Variants in COL22A1 observed in about 807,000 individuals in gnomAD.
COL22A1 encodes the protein collagen type XXII alpha 1 chain.
COL22A1 carries 221 observed loss-of-function variants against 248.9 expected under a neutral mutation model. The ratio of observed to expected loss-of-function variants is 0.89; its 90% CI spans 0.80 to 0.99. COL22A1 has a LOEUF of 0.99. Ranked by LOEUF, COL22A1 falls within the 50% of genes least tolerant of loss-of-function variation. COL22A1 has a pLI of 0.00. For synonymous variants in COL22A1, 891 were observed against 793.4 expected, an observed-to-expected ratio of 1.12 and a Z score of -2.07; for missense variants, 2,240 against 2,179.0, an observed-to-expected ratio of 1.03 and a Z score of -0.56.
At chr8:138,641,733 G>T (rs559445282) in intron 47 of COL22A1, among the ~76,000 whole-genome samples, 9 of 152,246 alleles carry the variant, frequency 5.9e-5, no homozygotes, top group Non-Finnish European at 1.2e-4. Flanking sequence ...TGCAAACAAA[G>T]GAACCAAACC....
chr8:138,597,116 C>G, intron 61 of COL22A1, 146 bp from the exon 62 acceptor site: 1 of 640,258 alleles, frequency 1.6e-6, no homozygotes, highest in Non-Finnish European at 2.8e-6. Context: ...TTTTCCACAT[C>G]TCTAATCCCT....
chr8:138,627,744 C>T (rs985001691), intron 50 of COL22A1, among the ~76,000 whole-genome samples: 1 of 152,136 alleles, frequency 6.6e-6, no homozygotes, highest in African/African-American at 2.4e-5. Context: ...TGCAGTACAC[C>T]CTTGCTTTAT....
rs188176105 is a variant in COL22A1 at position 138,706,819 on chromosome 8, A to G, written c.2518-3472T>C. Among the ~76,000 whole-genome samples, 55 of 152,312 alleles carry G rather than the reference A, an allele frequency of 3.6e-4. 2 individuals are homozygous for G. Among genetic ancestry groups the G allele is most frequent in the African/African-American group, 1.3e-3 (54 of 41,572 alleles). ...GAACTGAAGGAGATAGAGACACAAA[A>G]AACCCTTCAAAAAACCAATGAATCC... On this transcript the variant is annotated intron_variant, in intron 30 of 64. Coordinates refer to ENST00000303045, the MANE Select transcript of COL22A1 (RefSeq NM_152888.3).
chr8:138,802,800 T>A, intron 11 of COL22A1, 72 bp downstream of exon 11: 1 of 1,185,528 alleles, frequency 8.4e-7, no homozygotes, highest in Non-Finnish European at 1.3e-6. Context: ...CTGATTTGCA[T>A]GATCGGAGGG....
intron 48 of COL22A1, 117 bp from the exon 49 acceptor site, chr8:138,635,180 T>C: frequency 1.3e-6 from 1 of 784,350 alleles, no homozygotes; most frequent in Non-Finnish European, 2.0e-6. Flanking sequence ...ACTAACAATT[T>C]TGCTTAAAGA....
intron 56 of COL22A1, among the ~76,000 whole-genome samples, chr8:138,612,007 C>T (rs938823590): frequency 6.6e-6 from 1 of 152,194 alleles, no homozygotes; most frequent in Admixed American, 6.5e-5. Context: ...TCAAAAAACA[C>T]ACAACATACA....
At chr8:138,686,411 G>A (rs538165270) in intron 37 of COL22A1, among the ~76,000 whole-genome samples, 1 of 152,192 alleles carries the variant, frequency 6.6e-6, no homozygotes, top group African/African-American at 2.4e-5. Context: ...GGTGGAAGCT[G>A]CAATCACAGT....
At chr8:138,593,129 A>G (rs903692433) in intron 63 of COL22A1, among the ~76,000 whole-genome samples, 11 of 152,196 alleles carry the variant, frequency 7.2e-5, no homozygotes, top group Middle Eastern at 3.2e-3. Context: ...AGGAAGCCAA[A>G]CACGGCATGT....
intron 59 of COL22A1, among the ~76,000 whole-genome samples, 164 bp from the exon 60 acceptor site, chr8:138,602,323 G>A (rs1818090579): frequency 6.6e-6 from 1 of 152,016 alleles, no homozygotes; most frequent in Non-Finnish European, 1.5e-5. Flanking sequence ...GGTGGGGGTG[G>A]GGGCGGCACA....
chr8:138,727,959 C>T (rs1028860015), intron 23 of COL22A1, among the ~76,000 whole-genome samples: 5 of 152,164 alleles, frequency 3.3e-5, no homozygotes, highest in Admixed American at 6.5e-5. Context: ...CTTCTCTCAG[C>T]AAAGCAAGAG....
chr8:138,608,046 G>A (rs1026488304), intron 56 of COL22A1, 57 bp from the exon 57 acceptor site: 2 of 1,528,746 alleles, frequency 1.3e-6, no homozygotes, highest in Non-Finnish European at 1.8e-6. Flanking sequence ...CAGGACGGTG[G>A]AACAAAGAGA....
rs753861816 is a variant in COL22A1 at position 138,607,959 on chromosome 8, C to T, written c.4009G>A (p.Glu1337Lys). 1 of 1,614,124 alleles carries T rather than the reference C, an allele frequency of 6.2e-7. No homozygotes were observed. ...GKNGSPGSPG[E>K]PGPSGTPGQK... ...ACAGGGGTTCCTGAAGGGCCAGGCT[C>T]TCCTGGAGATCCCGGTGATCCATTC... Residue 1337 changes from glutamate (E) to lysine (K), a missense_variant, in exon 57 of 65, where the codon GAG (glutamate) becomes AAG (lysine). Glu to Lys is a moderately conservative substitution (Grantham distance 56). Coordinates refer to ENST00000303045, the MANE Select transcript of COL22A1 (RefSeq NM_152888.3).
chr8:138,834,881 G>A (rs1388759828), intron 4 of COL22A1, among the ~76,000 whole-genome samples: 1 of 152,144 alleles, frequency 6.6e-6, no homozygotes, highest in East Asian at 1.9e-4. Flanking sequence ...TCCAGGGTTG[G>A]AGCAGGCACC....
chr8:138,688,715 T>C (rs955855028), intron 37 of COL22A1, among the ~76,000 whole-genome samples: 2 of 152,062 alleles, frequency 1.3e-5, no homozygotes, highest in Non-Finnish European at 2.9e-5. Context: ...ATCTGTCTAA[T>C]GGGCACTTGT....
At chr8:138,826,629 C>A in intron 6 of COL22A1, 29 bp downstream of exon 6, 1 of 1,611,652 alleles carries the variant, frequency 6.2e-7, no homozygotes, top group Non-Finnish European at 8.5e-7. Context: ...AGCTCAGGAC[C>A]ACTGAGATAA....
intron 50 of COL22A1, among the ~76,000 whole-genome samples, chr8:138,629,183 G>A (rs1403231241): frequency 2.6e-5 from 4 of 151,832 alleles, no homozygotes; most frequent in Non-Finnish European, 5.9e-5. Flanking sequence ...TGCATATGGA[G>A]TCTCACTCTG....
intron 36 of COL22A1, among the ~76,000 whole-genome samples, chr8:138,690,182 C>G (rs1251862549): frequency 6.6e-6 from 1 of 152,206 alleles, no homozygotes; most frequent in African/African-American, 2.4e-5. Context: ...ACAAGACTGA[C>G]CTAAATCTAT....
intron 12 of COL22A1, among the ~76,000 whole-genome samples, chr8:138,790,963 G>C (rs1330163742): frequency 6.6e-6 from 1 of 152,196 alleles, no homozygotes; most frequent in Non-Finnish European, 1.5e-5. Context: ...TCCTCAGCTA[G>C]TACTTGCTAT....
intron 27 of COL22A1, 144 bp downstream of exon 27, chr8:138,720,595 C>T: frequency 1.4e-6 from 1 of 721,502 alleles, no homozygotes; most frequent in Non-Finnish European, 2.5e-6. Flanking sequence ...CTTAACCCTG[C>T]CCCTTTTCAA....
Sources: gnomAD v4.1 joint callset for allele counts (sites outside exome capture counted in the v4.1 genomes callset) on GRCh38, gnomAD v4.1.1 for gene constraint, MANE v1.5 for transcripts, NCBI Gene and HGNC (gene_info 2026-07-23, HGNC 2026-07-21) for gene names.